The following ANXA5 variants were observed in gnomAD, a reference collection of about 807,000 sequenced individuals.
ANXA5 encodes annexin A5, also known as CBP-I.
In ANXA5, 40 loss-of-function variants were observed where a neutral mutation model predicts 48.1. That is an observed-to-expected ratio of 0.83 (90% CI 0.65 to 1.08). The LOEUF is 1.08. ANXA5 is among the 50% of genes least tolerant of loss of function. ANXA5 has a pLI of 0.00. For missense variants in ANXA5, 357 were observed against 376.8 expected, an observed-to-expected ratio of 0.95 and a Z score of 0.44; for synonymous variants, 113 against 129.1, an observed-to-expected ratio of 0.88 and a Z score of 0.85.
intron 7 of ANXA5, 84 bp from the exon 8 acceptor site, chr4:121,678,034 A>G (rs1724726103): frequency 3.0e-6 from 3 of 989,910 alleles, no homozygotes; most frequent in East Asian, 2.4e-5. Context: ...TGGTTATTCA[A>G]TAACACTCTT....
At chr4:121,678,187 G>A in intron 7 of ANXA5, 1 of 608,102 alleles carries the variant, frequency 1.6e-6, no homozygotes, top group Non-Finnish European at 2.9e-6. Flanking sequence ...TCTATGAAAG[G>A]AACAAGATAC....
chr4:121,685,051 T>TATAC (rs1274453648), intron 3 of ANXA5, among the ~76,000 whole-genome samples: 23 of 145,740 alleles, frequency 1.6e-4, no homozygotes, highest in Middle Eastern at 3.2e-3. Flanking sequence ...TATATATATA[T>TATAC]ACACACACAC....
chr4:121,686,951 ATTACT>A (rs1341020415), intron 2 of ANXA5, among the ~76,000 whole-genome samples: 1 of 152,218 alleles, frequency 6.6e-6, no homozygotes. Flanking sequence ...CCTGTTACAC[ATTACT>A]TTATCATATA....
intron 6 of ANXA5, among the ~76,000 whole-genome samples, chr4:121,680,508 C>T (rs974483031): frequency 2.0e-5 from 3 of 152,178 alleles, no homozygotes; most frequent in African/African-American, 7.2e-5. Flanking sequence ...TGTCATGTCA[C>T]CCACTGAGGA....
chr4:121,674,795 C>A (rs1724671187), intron 8 of ANXA5, among the ~76,000 whole-genome samples: 1 of 152,154 alleles, frequency 6.6e-6, no homozygotes, highest in Non-Finnish European at 1.5e-5. Flanking sequence ...GCCCAATATT[C>A]ATGGATCCAT....
At chr4:121,672,446 G>C (rs1158529223) in intron 9 of ANXA5, 87 bp downstream of exon 9, 3 of 859,536 alleles carry the variant, frequency 3.5e-6, no homozygotes, top group Non-Finnish European at 3.8e-6. Flanking sequence ...CTAAGTCCCT[G>C]CTATGTAGCA....
intron 5 of ANXA5, 38 bp from the exon 6 acceptor site, chr4:121,681,799 G>A: frequency 2.8e-6 from 4 of 1,432,968 alleles, no homozygotes; most frequent in Non-Finnish European, 3.9e-6. Flanking sequence ...ATGTCAATAA[G>A]ATTAAAAAGA....
chr4:121,682,120 G>A (rs3756282), intron 5 of ANXA5, among the ~76,000 whole-genome samples: 60,344 of 151,876 alleles, frequency 0.4, 14,273 homozygotes, highest in East Asian at 0.69. Flanking sequence ...TTTAAAAACC[G>A]AAAGAGTAAA....
At chr4:121,695,881 G>C (rs1304993768) in intron 2 of ANXA5, among the ~76,000 whole-genome samples, 6 of 149,498 alleles carry the variant, frequency 4.0e-5, no homozygotes, top group Admixed American at 3.3e-4. Context: ...CAGCCTGGGC[G>C]ACAGAGTGAG....
chr4:121,683,189 C>T (rs1331718255), intron 5 of ANXA5, among the ~76,000 whole-genome samples, 175 bp downstream of exon 5: 1 of 152,126 alleles, frequency 6.6e-6, no homozygotes, highest in African/African-American at 2.4e-5. Flanking sequence ...TGAAATGACA[C>T]ACGTGTAATT....
chr4:121,692,916 A>G (rs1725010559), intron 2 of ANXA5, among the ~76,000 whole-genome samples: 1 of 152,234 alleles, frequency 6.6e-6, no homozygotes, highest in South Asian at 2.1e-4. Context: ...GAATGCATGC[A>G]TGGATGAAAA....
chr4:121,676,630 T>C (rs751100764), intron 8 of ANXA5, among the ~76,000 whole-genome samples: 1 of 140,230 alleles, frequency 7.1e-6, no homozygotes, highest in Admixed American at 7.9e-5. Flanking sequence ...GTGAAGTAAA[T>C]AGATGGCTTC....
At chr4:121,692,494 A>C (rs1363350270) in intron 2 of ANXA5, among the ~76,000 whole-genome samples, 1 of 152,226 alleles carries the variant, frequency 6.6e-6, no homozygotes, top group Non-Finnish European at 1.5e-5. Context: ...AGGTCAGAGG[A>C]GAGTATGCTC....
At chr4:121,672,700 T>G (rs1724632860) in intron 8 of ANXA5, 74 bp from the exon 9 acceptor site, 1 of 1,050,150 alleles carries the variant, frequency 9.5e-7, no homozygotes, top group Non-Finnish European at 1.5e-6. Flanking sequence ...CACTTGTTTT[T>G]TACTCCCTGA....
intron 3 of ANXA5, among the ~76,000 whole-genome samples, chr4:121,685,431 T>C (rs1165541889): frequency 6.6e-6 from 1 of 151,996 alleles, no homozygotes; most frequent in African/African-American, 2.4e-5. Context: ...GATGGAAGGA[T>C]TGTGAAAGGC....
At chr4:121,696,839 C>G (rs1725093564) in intron 1 of ANXA5, 24 bp downstream of exon 1, 1 of 360,790 alleles carries the variant, frequency 2.8e-6, no homozygotes, top group African/African-American at 2.1e-5. Flanking sequence ...GAAGGAGCCC[C>G]CTCCCCGGGC....
chr4:121,694,088 G>A (rs1476776438), intron 2 of ANXA5, among the ~76,000 whole-genome samples: 1 of 121,914 alleles, frequency 8.2e-6, no homozygotes, highest in African/African-American at 3.4e-5. Flanking sequence ...ACCCACACCG[G>A]GGCCTATTGT....
chr4:121,678,106 C>A, intron 7 of ANXA5, 156 bp from the exon 8 acceptor site: 1 of 655,068 alleles, frequency 1.5e-6, no homozygotes. Flanking sequence ...TATCATCACC[C>A]AGCACTGTCC....
chr4:121,693,360 C>T lies in ANXA5; in HGVS notation c.9+3221G>A, dbSNP rs6534313. On this transcript the variant is annotated intron_variant, in intron 2 of 12. Coordinates refer to ENST00000296511, the MANE Select transcript of ANXA5 (RefSeq NM_001154.4). ...GTAAACTAACTAAACTGAAAGACTG[C>T]GTCTAAGAAGCACTTAAAGCAAAGG... Among the ~76,000 whole-genome samples, 36 of 151,984 alleles carry T rather than the reference C, an allele frequency of 2.4e-4. 1 individual carries two copies. Among genetic ancestry groups the T allele is most frequent in the African/African-American group, 8.5e-4 (35 of 41,406 alleles).
Sources: gnomAD v4.1 joint callset for allele counts (sites outside exome capture counted in the v4.1 genomes callset) on GRCh38, gnomAD v4.1.1 for gene constraint, MANE v1.5 for transcripts, NCBI Gene and HGNC (gene_info 2026-07-23, HGNC 2026-07-21) for gene names.